HSPBP1: variants seen among roughly 807,000 people sequenced by gnomAD.
HSPBP1 encodes the protein hsp70-binding protein 1.
In HSPBP1, 31 loss-of-function variants were observed where a neutral mutation model predicts 41.7. The observed-to-expected ratio is 0.74, with a 90% CI of 0.56 to 1.00. HSPBP1 has a LOEUF of 1.00. HSPBP1 is among the 50% of genes least tolerant of loss of function. The probability of loss-of-function intolerance (pLI) is 0.00; values close to 1 mark genes in which losing one functional copy is unlikely to be tolerated. For missense variants in HSPBP1, 439 were observed against 487.9 expected (o/e 0.90, Z 0.94); for synonymous variants, 199 against 214.4 (o/e 0.93, Z 0.63).
In HSPBP1 at chr19:55,277,830, T is replaced by C. The variant is rs760460032; in HGVS notation, c.227A>G (p.Gln76Arg). 1.3e-5 allele frequency: 21 copies of C among 1,575,220 alleles called. No homozygotes were observed. Among genetic ancestry groups the C allele is most frequent in the Non-Finnish European group, 1.8e-5 (21 of 1,159,522 alleles). ...PMSEERRQWLQEAMSAAFRGQ... is the reference protein window; with the variant it reads ...PMSEERRQWLREAMSAAFRGQ... ...TCGGAAGGCAGCCGACATGGCCTCC[T>C]GCAGCCACTGACGCCTCTGGAGACC... is the stretch of plus-strand genomic sequence containing the variant. The change falls in exon 3 of 8, where the codon CAG becomes CGG. Residue 76 changes from glutamine to arginine, a missense_variant. Gln to Arg is a conservative substitution (Grantham distance 43, BLOSUM62 1). Transcript: ENST00000433386.
Position 55,270,650 on chromosome 19 carries a change from C to T in HSPBP1, c.640+3748G>A, listed in dbSNP as rs556418922. On this transcript the variant is annotated intron_variant, in intron 4 of 7. Coordinates refer to ENST00000433386, the MANE Select transcript of HSPBP1 (RefSeq NM_012267.5). This position sits in a 1 kb window ranked among gnomAD's most constrained non-coding sequence, Gnocchi z 5.4. ...TGCCAGCCGTGCACATCTGAGGAAA[C>T]GAGATTAATCCGTGTGTCTGTGTGC... 1.1e-3 allele frequency among the ~76,000 whole-genome samples: 162 copies of T among 152,172 alleles called. 1 individual carries two copies. The highest frequency in any genetic ancestry group is 2.1e-3 in the South Asian group (10 of 4,826).
chr19:55,275,083 C>T (rs1434425111), intron 3 of HSPBP1, among the ~76,000 whole-genome samples: 3 of 152,202 alleles, frequency 2.0e-5, no homozygotes, highest in Non-Finnish European at 4.4e-5. Flanking sequence ...CCCACAGGGA[C>T]GCAGCTCTCT....
At chr19:55,271,863 T>G (rs370429556) in intron 4 of HSPBP1, among the ~76,000 whole-genome samples, 7 of 152,230 alleles carry the variant, frequency 4.6e-5, no homozygotes, top group African/African-American at 1.7e-4. Context: ...GAGACCAGAC[T>G]GGCCAACAGG....
In HSPBP1 at chr19:55,272,838, C is replaced by T. The variant is rs1446944016; in HGVS notation, c.640+1560G>A. Among the ~76,000 whole-genome samples, 1 of 133,658 alleles carries T rather than the reference C, an allele frequency of 7.5e-6. No individual in the cohort carries two copies. Among genetic ancestry groups the T allele is most frequent in the Non-Finnish European group, 1.6e-5 (1 of 61,516 alleles). The allele number at this position is 133,658 out of a possible 152,430, so 87.7% of individuals were successfully genotyped here. A position where few individuals can be genotyped will look rare whatever the true frequency, so the allele number is the denominator to read the frequency against. The stretch of plus-strand genomic sequence containing the variant: ...GGGTGACAAGAGCGAGACTCTGTCT[C>T]AAAAAAAAAAAAAAGAAAGAAAAGA... On this transcript the variant is annotated intron_variant, in intron 4 of 7. Coordinates refer to ENST00000433386, the MANE Select transcript of HSPBP1 (RefSeq NM_012267.5). This position sits in a 1 kb window ranked among gnomAD's most constrained non-coding sequence, Gnocchi z 4.2.
In HSPBP1 at chr19:55,279,482, G is replaced by C; in HGVS notation, c.127C>G (p.Arg43Gly). 3 of 1,606,636 alleles carry C rather than the reference G, an allele frequency of 1.9e-6. No individual in the cohort carries two copies. Among genetic ancestry groups the C allele is most frequent in the Non-Finnish European group, 2.5e-6 (3 of 1,178,540 alleles). Reference protein sequence around the residue: ...AGGSGNSRPPRNLQGLLQMAI... With the variant: ...AGGSGNSRPPGNLQGLLQMAI... The stretch of plus-strand genomic sequence containing the variant: ...ATCTGCAGCAAGCCTTGGAGGTTGC[G>C]TGGGGGCCGGGAATTGCCCGAGCCC... Residue 43 changes from arginine to glycine, a missense_variant, in exon 2 of 8, where the codon CGC becomes GGC. Coordinates refer to ENST00000433386, the MANE Select transcript of HSPBP1 (RefSeq NM_012267.5).
intron 3 of HSPBP1, among the ~76,000 whole-genome samples, chr19:55,277,262 A>G (rs4806657): frequency 0.52 from 79,565 of 152,012 alleles, 21,362 homozygotes; most frequent in East Asian, 0.83. Context: ...GGCTGTTCCT[A>G]CTGTCTGGAA....
Position 55,279,426 on chromosome 19 carries a change from G to A in HSPBP1, c.183C>T (p.Asp61=). 2 of 1,602,212 alleles carry A rather than the reference G, an allele frequency of 1.2e-6. No individual in the cohort carries two copies. Among genetic ancestry groups the A allele is most frequent in the Non-Finnish European group, 1.7e-6 (2 of 1,177,272 alleles). ...CCTCACTCATCGGTTCTGGAGGAGG[G>A]TCTGGCTCTTCAGAGCCCGCGGTGA... ...MAITAGSEEP[D]PPPEPMSEER... The change falls in exon 2 of 8, where the codon GAC becomes GAT. Residue 61 remains aspartate (D), a synonymous_variant. Transcript: ENST00000433386.
rs149637131 is a variant in HSPBP1 at position 55,265,832 on chromosome 19, T to A, written c.893+54A>T. 1.8e-3 allele frequency: 2,214 copies of A among 1,264,418 alleles called. 42 individuals carry two copies. In the African/African-American group the frequency reaches 0.03, roughly 17 times the overall value. The allele number at this position is 1,264,418 out of a possible 1,614,324, so 78.3% of individuals were successfully genotyped here. On this transcript the variant is annotated intron_variant, in intron 6 of 7. Transcript: ENST00000433386. Reference sequence around the variant, plus strand: ...GGCTGATTCCTGAGCCACCCCCACCTTGAGAGGACGGGGCCCCCACCCCAG... The same window carrying A: ...GGCTGATTCCTGAGCCACCCCCACCATGAGAGGACGGGGCCCCCACCCCAG...
rs1044785964 is a variant in HSPBP1 at position 55,270,724 on chromosome 19, C to T, written c.640+3674G>A. Among the ~76,000 whole-genome samples the T allele has an allele frequency of 2.6e-5, 4 of 151,568 alleles. No homozygotes were observed. The highest frequency in any genetic ancestry group is 6.6e-5 in the Admixed American group (1 of 15,202). ...CCACATAAGCACACACCACACACCCCGTATACACACACCACATCCACACAT... is the reference window on the plus strand; with the variant it reads ...CCACATAAGCACACACCACACACCCTGTATACACACACCACATCCACACAT... On this transcript the variant is annotated intron_variant, in intron 4 of 7. Transcript: ENST00000433386. This position sits in a 1 kb window ranked among gnomAD's most constrained non-coding sequence, Gnocchi z 5.4.
chr19:55,265,880 A>G lies in HSPBP1; in HGVS notation c.893+6T>C. The stretch of plus-strand genomic sequence containing the variant: ...CAGGCCCCGTCCTCTCAAGGAGCCA[A>G]AGTACCTGCACAGGGCTCCAAGCAC... On this transcript the variant is annotated splice_donor_region_variant and intron_variant, in intron 6 of 7. Transcript: ENST00000433386. The G allele has an allele frequency of 1.3e-6, 2 of 1,597,282 alleles. No individual in the cohort carries two copies. Among genetic ancestry groups the G allele is most frequent in the South Asian group, 2.3e-5 (2 of 88,472 alleles).
chr19:55,262,398 A>G lies in HSPBP1; in HGVS notation c.*210T>C. 1 of 1,392,080 alleles carries G rather than the reference A, an allele frequency of 7.2e-7. No homozygotes were observed. The highest frequency in any genetic ancestry group is 9.3e-7 in the Non-Finnish European group (1 of 1,073,876). 86.2% of individuals were successfully genotyped at this position (1,392,080 alleles called of 1,614,324 possible). Reference sequence around the variant, plus strand: ...TTGGAAGAGCTGTGTGGACAAGAGAACGGGGATGAGAGTGAGAGCATGGGA... The same window carrying G: ...TTGGAAGAGCTGTGTGGACAAGAGAGCGGGGATGAGAGTGAGAGCATGGGA... On this transcript the variant is annotated 3_prime_UTR_variant, in exon 8 of 8. Coordinates refer to ENST00000433386, the MANE Select transcript of HSPBP1 (RefSeq NM_012267.5).
At chr19:55,271,524 T>C (rs1331337642) in intron 4 of HSPBP1, among the ~76,000 whole-genome samples, 1 of 152,194 alleles carries the variant, frequency 6.6e-6, no homozygotes. Context: ...TAGTTTTGGC[T>C]GTGACTTTCC....
rs995928599 is a variant in HSPBP1, at chr19:55,270,977, C to T, written c.640+3421G>A. On this transcript the variant is annotated intron_variant, in intron 4 of 7. Transcript: ENST00000433386. The surrounding 1 kb of genome is among the most constrained non-coding windows in gnomAD (Gnocchi z 5.4). ...CGACACGCCAAACACCCCACATACA[C>T]ACCATACACACCCTACACACGCGCC... 7.3e-5 allele frequency among the ~76,000 whole-genome samples: 11 copies of T among 151,604 alleles called. No homozygotes were observed. Among genetic ancestry groups the T allele is most frequent in the Non-Finnish European group, 1.3e-4 (9 of 67,866 alleles).
At chr19:55,262,882 G>C (rs2087683413) in intron 7 of HSPBP1, among the ~76,000 whole-genome samples, 200 bp from the exon 8 acceptor site, 1 of 152,218 alleles carries the variant, frequency 6.6e-6, no homozygotes, top group African/African-American at 2.4e-5. Flanking sequence ...ACTTGAACTA[G>C]AACCCGGGGT....
At chr19:55,266,082 C>G (rs753583277) in intron 5 of HSPBP1, 49 bp downstream of exon 5, 2 of 1,580,156 alleles carry the variant, frequency 1.3e-6, no homozygotes, top group South Asian at 2.3e-5. Context: ...CTGCACCCAC[C>G]CCAGGGCGTC....
rs1192210637 is a variant in HSPBP1, at chr19:55,268,620, A to G, written c.641-2334T>C. Among the ~76,000 whole-genome samples the G allele has an allele frequency of 6.6e-6, 1 of 152,240 alleles. No homozygotes were observed. Among genetic ancestry groups the G allele is most frequent in the South Asian group, 2.1e-4 (1 of 4,832 alleles). Reference sequence around the variant, plus strand: ...CATTAATAGTCCATATTAATTACACATTGAAATTATAATAGTTTGGACATA... The same window carrying G: ...CATTAATAGTCCATATTAATTACACGTTGAAATTATAATAGTTTGGACATA... On this transcript the variant is annotated intron_variant, in intron 4 of 7. Coordinates refer to ENST00000433386, the MANE Select transcript of HSPBP1 (RefSeq NM_012267.5). This position sits in a 1 kb window ranked among gnomAD's most constrained non-coding sequence, Gnocchi z 4.5.
chr19:55,274,396 A>G lies in HSPBP1; in HGVS notation c.640+2T>C, dbSNP rs1237227457. The G allele has an allele frequency of 1.2e-5, 15 of 1,218,274 alleles. No individual in the cohort carries two copies. In the African/African-American group the frequency reaches 3.0e-4, roughly 25 times the overall value. 75.5% of individuals were successfully genotyped at this position (1,218,274 alleles called of 1,614,324 possible). ...TGTCCCCAGCCCCACCCGGACACTC[A>G]CAGGAGATGGCGAAGAGGGCCTTGA... On this transcript the variant is annotated splice_donor_variant, in intron 4 of 7. Transcript: ENST00000433386. LOFTEE classifies it high-confidence loss of function.
chr19:55,269,443 G>C lies in HSPBP1; in HGVS notation c.641-3157C>G, dbSNP rs181163127. On this transcript the variant is annotated intron_variant, in intron 4 of 7. Coordinates refer to ENST00000433386, the MANE Select transcript of HSPBP1 (RefSeq NM_012267.5). ...CACCCTCTTCTCTGTGCAGCAGTTG[G>C]GGGCAGGGATCACAGTATGGCTGCC... is the stretch of plus-strand genomic sequence containing the variant. Among the ~76,000 whole-genome samples, 64 of 152,224 alleles carry C rather than the reference G, an allele frequency of 4.2e-4. No individual in the cohort carries two copies. The East Asian group carries it at 0.012, about 28-fold the overall frequency.
At chr19:55,277,575 G>C in intron 3 of HSPBP1, 67 bp downstream of exon 3, 1 of 1,487,692 alleles carries the variant, frequency 6.7e-7, no homozygotes, top group Non-Finnish European at 9.2e-7. Context: ...AAGAGTAGGG[G>C]CAAGAGCTGA....
Sources: allele counts gnomAD v4.1 joint callset (sites outside exome capture counted in the v4.1 genomes callset), GRCh38; gene constraint gnomAD v4.1.1; non-coding constraint Gnocchi (gnomAD v3.1); transcripts MANE v1.5; gene names NCBI Gene and HGNC (gene_info 2026-07-23, HGNC 2026-07-21).